RALGAPA1: variants seen among roughly 807,000 people sequenced by gnomAD.
The protein encoded by RALGAPA1 is ral GTPase-activating protein subunit alpha-1.
A neutral mutation model predicts 269.6 loss-of-function variants in RALGAPA1; 52 were observed. That is an observed-to-expected ratio of 0.19 (90% CI 0.15 to 0.24). RALGAPA1 has a LOEUF of 0.24. Ranked by LOEUF, RALGAPA1 falls within the 10% of genes least tolerant of loss-of-function variation. The probability of loss-of-function intolerance (pLI) is 1.00; values close to 1 mark genes in which losing one functional copy is unlikely to be tolerated. For missense variants in RALGAPA1, 1,917 were observed against 3,013.9 expected (o/e 0.64, Z 8.52); for synonymous variants, 817 against 1,008.3 (o/e 0.81, Z 3.60).
chr14:35,796,935 G>A (rs901530775), intron 1 of RALGAPA1, among the ~76,000 whole-genome samples: 5 of 151,946 alleles, frequency 3.3e-5, no homozygotes, highest in Non-Finnish European at 5.9e-5. Context: ...CTACAGGCGC[G>A]TGCCACCACA....
Position 35,627,958 on chromosome 14 carries a change from AT to A in RALGAPA1, c.5996-8del. On this transcript the variant is annotated splice_region_variant and splice_polypyrimidine_tract_variant and intron_variant, in intron 33 of 41. Transcript: ENST00000680220. ...TGCTGCATTTGAGTTTTCACTGGAAATAAAAAATATAAATGAATGGGAATAT... is the reference window on the plus strand; with the variant it reads ...TGCTGCATTTGAGTTTTCACTGGAAAAAAAAATATAAATGAATGGGAATAT... 1 of 1,542,698 alleles carries A rather than the reference AT, an allele frequency of 6.5e-7. No individual in the cohort carries two copies. Among genetic ancestry groups the A allele is most frequent in the South Asian group, 1.3e-5 (1 of 79,388 alleles).
Position 35,790,289 on chromosome 14 carries a change from T to C in RALGAPA1, c.107-14544A>G, listed in dbSNP as rs372355604. Among the ~76,000 whole-genome samples the C allele has an allele frequency of 6.6e-5, 10 of 151,706 alleles. No individual in the cohort carries two copies. The East Asian group carries it at 1.2e-3, about 18-fold the overall frequency. ...AAAAACAAAAAAAAAGAAGTTAGAA[T>C]TGAAGTTAAACTGTGGCAGACATGT... On this transcript the variant is annotated intron_variant, in intron 1 of 41. Coordinates refer to ENST00000680220, the MANE Select transcript of RALGAPA1 (RefSeq NM_001346249.2).
intron 1 of RALGAPA1, among the ~76,000 whole-genome samples, chr14:35,806,295 A>G (rs1341040582): frequency 6.6e-6 from 1 of 152,192 alleles, no homozygotes; most frequent in Non-Finnish European, 1.5e-5. Context: ...GCATTATGTT[A>G]GCCAATTTAC....
intron 36 of RALGAPA1, among the ~76,000 whole-genome samples, chr14:35,596,149 A>C (rs750624710): frequency 1.3e-5 from 2 of 152,062 alleles, no homozygotes; most frequent in Non-Finnish European, 2.9e-5. Flanking sequence ...TGGTAATATC[A>C]GTTTGACAAA....
At position 35,688,544 on chromosome 14, in the gene RALGAPA1, T is replaced by C. The variant is rs751146941; in HGVS notation, c.3867A>G (p.Pro1289=). The C allele has an allele frequency of 3.3e-6, 5 of 1,536,098 alleles. No individual in the cohort carries two copies. In the South Asian group the frequency reaches 3.6e-5, roughly 11 times the overall value. ...ALSKPKANVS[P]QRQNRMPPEA... is the part of the protein sequence containing the mutation. ...CTGGTGGCATTCTGTTCTGCCTCTG[T>C]GGGGAAACATTTGCCTTCGGCTTCG... is the stretch of plus-strand genomic sequence containing the variant. Residue 1289 remains proline (P), a synonymous_variant, in exon 18 of 42, where the codon CCA becomes CCG. Transcript: ENST00000680220.
At chr14:35,609,920 C>A in intron 35 of RALGAPA1, among the ~76,000 whole-genome samples, 1 of 146,014 alleles carries the variant, frequency 6.8e-6, no homozygotes, top group African/African-American at 2.5e-5. Flanking sequence ...ACGGTGAGAC[C>A]CTGTCTCCAA....
intron 12 of RALGAPA1, among the ~76,000 whole-genome samples, chr14:35,735,287 A>G (rs1371622136): frequency 6.6e-6 from 1 of 152,228 alleles, no homozygotes; most frequent in Non-Finnish European, 1.5e-5. Context: ...ACAACTTGCA[A>G]CTGCAAATTG....
intron 35 of RALGAPA1, among the ~76,000 whole-genome samples, chr14:35,608,659 A>G (rs2059732610): frequency 6.6e-6 from 1 of 152,230 alleles, no homozygotes; most frequent in South Asian, 2.1e-4. Context: ...TTACAAATAT[A>G]TATGCACCCA....
intron 4 of RALGAPA1, among the ~76,000 whole-genome samples, chr14:35,769,676 C>T (rs921080495): frequency 2.6e-5 from 4 of 151,722 alleles, no homozygotes; most frequent in Middle Eastern, 3.2e-3. Flanking sequence ...CTATAGGAAT[C>T]GAAAGGATTA....
intron 26 of RALGAPA1, among the ~76,000 whole-genome samples, chr14:35,670,191 T>C (rs2064286331): frequency 6.6e-6 from 1 of 152,216 alleles, no homozygotes; most frequent in South Asian, 2.1e-4. Flanking sequence ...ATCTTCCTCA[T>C]GGATGTCTAA....
At chr14:35,574,862 C>T (rs556422359) in intron 37 of RALGAPA1, among the ~76,000 whole-genome samples, 2 of 152,138 alleles carry the variant, frequency 1.3e-5, no homozygotes, top group Admixed American at 6.5e-5. Context: ...TGTGGTGGCT[C>T]ACACTTGCAA....
intron 1 of RALGAPA1, among the ~76,000 whole-genome samples, chr14:35,798,164 C>T (rs990397069): frequency 1.4e-5 from 2 of 145,866 alleles, no homozygotes; most frequent in African/African-American, 2.6e-5. Flanking sequence ...CGAGCTAACA[C>T]GCTCGGCTTT....
intron 27 of RALGAPA1, among the ~76,000 whole-genome samples, chr14:35,659,987 A>C (rs1484826625): frequency 6.6e-6 from 1 of 152,126 alleles, no homozygotes; most frequent in Non-Finnish European, 1.5e-5. Flanking sequence ...ACATCCTTTC[A>C]TGATAAAAAC....
intron 21 of RALGAPA1, among the ~76,000 whole-genome samples, chr14:35,683,165 GTCTACTAGCTGC>G (rs1414499771): frequency 2.0e-5 from 3 of 152,138 alleles, no homozygotes; most frequent in African/African-American, 7.2e-5. Flanking sequence ...AAGAACTATG[GTCTACTAGCTGC>G]TCAGGCTCAT....
intron 7 of RALGAPA1, chr14:35,756,512 G>A (rs557390731): frequency 5.5e-6 from 1 of 182,104 alleles, no homozygotes; most frequent in African/African-American, 2.3e-5. Context: ...CCCTTCTAAA[G>A]AGTGAAGAGT....
rs572491198 is a variant in RALGAPA1, at chr14:35,664,506, T to G, written c.5328+136A>C. ...CTCCAAATGAACATTCAAGCCTTTG[T>G]GTCTGGAGGATATGGCTAATGTTCT... On this transcript the variant is annotated intron_variant, in intron 27 of 41. Transcript: ENST00000680220. 1.6e-4 allele frequency: 110 copies of G among 688,326 alleles called. No individual in the cohort carries two copies. The African/African-American group carries it at 1.9e-3, about 12-fold the overall frequency. The allele number at this position is 688,326 out of a possible 1,614,324, so 42.6% of individuals were successfully genotyped here. A position where few individuals can be genotyped will look rare whatever the true frequency, so the allele number is the denominator to read the frequency against.
intron 1 of RALGAPA1, among the ~76,000 whole-genome samples, chr14:35,780,925 C>G (rs1176675622): frequency 6.6e-6 from 1 of 151,896 alleles, no homozygotes; most frequent in Non-Finnish European, 1.5e-5. Context: ...GACTCCATTT[C>G]TACAAAGAAA....
intron 1 of RALGAPA1, among the ~76,000 whole-genome samples, chr14:35,791,689 G>A (rs1407580864): frequency 2.6e-5 from 4 of 151,398 alleles, no homozygotes; most frequent in Non-Finnish European, 5.9e-5. Context: ...GGCGGATCAC[G>A]AGGTCAGGAG....
At chr14:35,739,602 T>C (rs150819851) in intron 11 of RALGAPA1, among the ~76,000 whole-genome samples, 4 of 152,282 alleles carry the variant, frequency 2.6e-5, no homozygotes, top group Middle Eastern at 3.4e-3. Context: ...TTGAGCTGTT[T>C]AAAATTCCCA....
Sources: allele counts gnomAD v4.1 joint callset (sites outside exome capture counted in the v4.1 genomes callset), GRCh38; gene constraint gnomAD v4.1.1; transcripts MANE v1.5; gene names NCBI Gene and HGNC (gene_info 2026-07-23, HGNC 2026-07-21).